Variants in TNS3 observed in about 807,000 individuals in gnomAD.
The protein encoded by TNS3 is tensin-3.
TNS3 carries 45 observed loss-of-function variants against 140.9 expected under a neutral mutation model. The ratio of observed to expected loss-of-function variants is 0.32; its 90% CI spans 0.25 to 0.41. TNS3 has a LOEUF of 0.41. TNS3 is among the 10% of genes least tolerant of loss of function. The pLI is 1.00. For synonymous variants in TNS3, 815 were observed against 788.4 expected (o/e 1.03, Z -0.56); for missense variants, 1,716 against 1,906.7 (o/e 0.90, Z 1.86).
intron 16 of TNS3, among the ~76,000 whole-genome samples, chr7:47,386,699 G>A (rs1305085551): frequency 6.6e-6 from 1 of 152,228 alleles, no homozygotes; most frequent in African/African-American, 2.4e-5. Flanking sequence ...TGTCCACAGG[G>A]GGAAAGGAGT....
chr7:47,306,320 A>G (rs2150735811), intron 20 of TNS3, among the ~76,000 whole-genome samples: 1 of 152,198 alleles, frequency 6.6e-6, no homozygotes, highest in East Asian at 1.9e-4. Flanking sequence ...CTCCACATAC[A>G]GGATGTAATA....
chr7:47,501,250 G>A (rs796252802), intron 3 of TNS3, among the ~76,000 whole-genome samples: 12 of 152,142 alleles, frequency 7.9e-5, no homozygotes, highest in African/African-American at 2.9e-4. Context: ...GAATTTATTA[G>A]GCCTTGTTAC....
At chr7:47,532,558 G>A (rs1019770931) in intron 1 of TNS3, among the ~76,000 whole-genome samples, 2 of 152,176 alleles carry the variant, frequency 1.3e-5, no homozygotes, top group Admixed American at 6.5e-5. Context: ...TCTGCTGAGA[G>A]CAGCAGAGGT....
rs116013832 is a variant in TNS3, at chr7:47,377,053, C to A, written c.1025-7432G>T. Reference sequence around the variant, plus strand: ...AGAGGTCCTGCCTGTGCCTGGACCACCACAGGGAACAGGTAGCTTCTCCAG... The same window carrying A: ...AGAGGTCCTGCCTGTGCCTGGACCAACACAGGGAACAGGTAGCTTCTCCAG... On this transcript the variant is annotated intron_variant, in intron 16 of 30. Transcript: ENST00000311160. Among the ~76,000 whole-genome samples the A allele has an allele frequency of 7.7e-3, 1,176 of 152,262 alleles. 19 individuals carry two copies. The highest frequency in any genetic ancestry group is 0.027 in the African/African-American group (1,115 of 41,528).
chr7:47,309,981 A>T (rs1786993223), intron 20 of TNS3, among the ~76,000 whole-genome samples: 1 of 152,202 alleles, frequency 6.6e-6, no homozygotes, highest in Non-Finnish European at 1.5e-5. Context: ...GGAGCAGGAG[A>T]TCCATGGCCA....
rs115985274 is a variant in TNS3 at position 47,515,378 on chromosome 7, C to T, written c.-152-8434G>A. On this transcript the variant is annotated intron_variant, in intron 2 of 30. Coordinates refer to ENST00000311160, the MANE Select transcript of TNS3 (RefSeq NM_022748.12). The stretch of plus-strand genomic sequence containing the variant: ...TCATCATCACAATCGTTACCATTGC[C>T]ATTGTTACTATCACCATCAACTACA... Among the ~76,000 whole-genome samples, 999 of 152,208 alleles carry T rather than the reference C, an allele frequency of 6.6e-3. 9 individuals carry two copies. The highest frequency in any genetic ancestry group is 0.023 in the African/African-American group (957 of 41,520).
At chr7:47,339,956 C>CATATAT (rs35991026) in intron 20 of TNS3, among the ~76,000 whole-genome samples, 1,372 of 136,458 alleles carry the variant, frequency 0.01, 5 homozygotes, top group East Asian at 0.025. Context: ...TTATAAGTGG[C>CATATAT]ATATATATAT....
chr7:47,538,385 C>T (rs1220867199), intron 1 of TNS3, among the ~76,000 whole-genome samples: 1 of 152,184 alleles, frequency 6.6e-6, no homozygotes, highest in African/African-American at 2.4e-5. Flanking sequence ...TAGTCTCAGG[C>T]CAGCTAACCC....
intron 20 of TNS3, among the ~76,000 whole-genome samples, chr7:47,329,822 C>A (rs1011216051): frequency 1.3e-5 from 2 of 152,042 alleles, no homozygotes; most frequent in Non-Finnish European, 2.9e-5. Context: ...AGGGTGGGTC[C>A]CATTCCCTCC....
rs773057430 is a variant in TNS3 at position 47,292,922 on chromosome 7, CAGCAAACAAG to C, written c.3773-27_3773-18del. On this transcript the variant is annotated intron_variant, in intron 25 of 30. Coordinates refer to ENST00000311160, the MANE Select transcript of TNS3 (RefSeq NM_022748.12). ...TCAGGCTCCCTGCAAAGTGGACAGA[CAGCAAACAAG>C]AGTCAACAACTGCTGTAGATGTTGT... 10 of 1,613,036 alleles carry C rather than the reference CAGCAAACAAG, an allele frequency of 6.2e-6. No homozygotes were observed. In the Admixed American group the frequency reaches 1.7e-4, roughly 27 times the overall value.
At chr7:47,312,960 C>A (rs1180499413) in intron 20 of TNS3, among the ~76,000 whole-genome samples, 1 of 152,184 alleles carries the variant, frequency 6.6e-6, no homozygotes, top group Admixed American at 6.5e-5. Context: ...CCTACACCAG[C>A]CGGAGAACGG....
intron 5 of TNS3, 76 bp downstream of exon 5, chr7:47,441,927 C>T: frequency 1.9e-6 from 2 of 1,064,010 alleles, no homozygotes; most frequent in South Asian, 2.6e-5. Context: ...AAAATGATGC[C>T]ATGCCCAAGT....
chr7:47,576,308 G>GCTCCCACCCCTGAGCTC (rs1462043486), intron 1 of TNS3, among the ~76,000 whole-genome samples: 3 of 152,052 alleles, frequency 2.0e-5, no homozygotes, highest in African/African-American at 7.3e-5. Flanking sequence ...ACCCCACGTG[G>GCTCCCACCCCTGAGCTC]CTCCCACCCC....
chr7:47,458,082 C>G (rs1220134897), intron 4 of TNS3, among the ~76,000 whole-genome samples: 1 of 145,006 alleles, frequency 6.9e-6, no homozygotes, highest in African/African-American at 2.5e-5. Flanking sequence ...TGTCAATATG[C>G]CACATACATG....
chr7:47,531,432 C>G (rs78155238), intron 1 of TNS3, among the ~76,000 whole-genome samples: 35,584 of 152,006 alleles, frequency 0.23, 4,280 homozygotes, highest in East Asian at 0.34. Flanking sequence ...CAGCTGACAC[C>G]TATGACATAT....
chr7:47,483,785 C>T (rs1797512976), intron 3 of TNS3, among the ~76,000 whole-genome samples: 1 of 152,210 alleles, frequency 6.6e-6, no homozygotes, highest in Admixed American at 6.5e-5. Context: ...CCATCTCACC[C>T]CAGACCATCC....
intron 20 of TNS3, among the ~76,000 whole-genome samples, chr7:47,322,539 A>AC (rs1554293727): frequency 1.3e-5 from 2 of 150,958 alleles, no homozygotes; most frequent in Admixed American, 6.6e-5. Context: ...CAAACAAACA[A>AC]ACACACACAC....
At chr7:47,370,346 G>C (rs559887684) in intron 16 of TNS3, among the ~76,000 whole-genome samples, 1 of 152,218 alleles carries the variant, frequency 6.6e-6, no homozygotes, top group Admixed American at 6.5e-5. Context: ...AATGAAAAGA[G>C]AAAGTGCAGG....
intron 15 of TNS3, among the ~76,000 whole-genome samples, chr7:47,399,622 G>A (rs1266564521): frequency 6.6e-6 from 1 of 152,208 alleles, no homozygotes; most frequent in Non-Finnish European, 1.5e-5. Context: ...CTAGCCACAT[G>A]TAGAAGAATA....
Sources: gnomAD v4.1 joint callset for allele counts (sites outside exome capture counted in the v4.1 genomes callset) on GRCh38, gnomAD v4.1.1 for gene constraint, MANE v1.5 for transcripts, NCBI Gene and HGNC (gene_info 2026-07-23, HGNC 2026-07-21) for gene names.